Variants in GALNT13 observed in about 807,000 individuals in gnomAD.
The protein encoded by GALNT13 is UDP-GalNAc:polypeptide N-acetylgalactosaminyltransferase 13.
In GALNT13, 28 loss-of-function variants were observed where a neutral mutation model predicts 64.2. The observed-to-expected ratio is 0.44, with a 90% confidence interval of 0.32 to 0.60. The LOEUF is 0.60. Among genes scored for constraint, GALNT13 ranks in the 20% least tolerant of loss-of-function variants. The pLI is 0.05. For synonymous variants in GALNT13, 214 were observed against 224.6 expected, an observed-to-expected ratio of 0.95 and a Z score of 0.42; for missense variants, 577 against 669.8, an observed-to-expected ratio of 0.86 and a Z score of 1.53.
At chr2:154,025,964 A>G (rs983251474) in intron 3 of GALNT13, among the ~76,000 whole-genome samples, 1 of 152,122 alleles carries the variant, frequency 6.6e-6, no homozygotes, top group African/African-American at 2.4e-5. Flanking sequence ...GGGGAGGGAG[A>G]GAGAGAAGGG....
intron 4 of GALNT13, among the ~76,000 whole-genome samples, chr2:154,170,685 G>A (rs773782802): frequency 2.6e-5 from 4 of 152,024 alleles, no homozygotes; most frequent in Non-Finnish European, 5.9e-5. Context: ...ACTGTCATGG[G>A]AATTAAATAA....
intron 7 of GALNT13, among the ~76,000 whole-genome samples, chr2:154,252,741 AG>A (rs1690146396): frequency 7.1e-6 from 1 of 140,860 alleles, no homozygotes; most frequent in Non-Finnish European, 1.6e-5. Context: ...ATAGATAGAT[AG>A]ATAGATAGAT....
intron 5 of GALNT13, 29 bp downstream of exon 5, chr2:154,242,225 TG>T: frequency 6.3e-7 from 1 of 1,593,840 alleles, no homozygotes; most frequent in South Asian, 1.1e-5. Context: ...TTTTTGTTTT[TG>T]TTTTTTTGTT....
intron 4 of GALNT13, among the ~76,000 whole-genome samples, chr2:154,180,804 T>A (rs1685920787): frequency 6.6e-6 from 1 of 152,182 alleles, no homozygotes; most frequent in Admixed American, 6.6e-5. Context: ...TTGCTCTTTT[T>A]TAATGTCATT....
the GALNT13 span, among the ~76,000 whole-genome samples, chr2:153,610,764 A>T: frequency 1.3e-5 from 2 of 152,216 alleles, no homozygotes; most frequent in Admixed American, 6.6e-5. Flanking sequence ...AAAATATTTC[A>T]GACGTGTGGA....
chr2:153,130,355 A>C, the GALNT13 span, among the ~76,000 whole-genome samples: 3 of 152,112 alleles, frequency 2.0e-5, no homozygotes, highest in African/African-American at 7.2e-5. Context: ...GAGAGTCTCC[A>C]TCCTGGCTCC....
chr2:154,446,390 AT>A (rs1701577069), intron 12 of GALNT13: 4 of 457,310 alleles, frequency 8.7e-6, no homozygotes, highest in Non-Finnish European at 1.1e-5. Flanking sequence ...CTCCTTCCTT[AT>A]AGGGTTGATA....
At chr2:153,393,397 A>T in the GALNT13 span, among the ~76,000 whole-genome samples, 6 of 151,836 alleles carry the variant, frequency 4.0e-5, no homozygotes, top group Non-Finnish European at 8.8e-5. Context: ...TACCAAATCT[A>T]TGGTAACGTC....
At chr2:153,478,891 G>A in the GALNT13 span, 2 of 325,780 alleles carry the variant, frequency 6.1e-6, no homozygotes, top group Non-Finnish European at 5.7e-6. Context: ...CAGCGGCGGG[G>A]TGGCTGCGCT....
the GALNT13 span, among the ~76,000 whole-genome samples, chr2:153,125,014 A>T: frequency 6.6e-6 from 1 of 152,228 alleles, no homozygotes. Context: ...TGCCAGATTT[A>T]GCAAATAAAA....
chr2:154,062,409 A>G (rs1700235252), intron 3 of GALNT13, among the ~76,000 whole-genome samples: 1 of 151,598 alleles, frequency 6.6e-6, no homozygotes, highest in Admixed American at 6.6e-5. Flanking sequence ...TTATTTGACC[A>G]TTTGTATTAG....
the GALNT13 span, among the ~76,000 whole-genome samples, chr2:153,343,323 ATAT>A: frequency 6.6e-6 from 1 of 152,206 alleles, no homozygotes; most frequent in South Asian, 2.1e-4. Context: ...CTTAACTAAA[ATAT>A]TATTGAACAA....
chr2:153,263,431 A>G, the GALNT13 span, among the ~76,000 whole-genome samples: 1 of 152,198 alleles, frequency 6.6e-6, no homozygotes, highest in African/African-American at 2.4e-5. Flanking sequence ...TCTTCACAGA[A>G]TTAGAAAAAA....
At chr2:154,212,869 T>G (rs1385555379) in intron 4 of GALNT13, among the ~76,000 whole-genome samples, 1 of 152,120 alleles carries the variant, frequency 6.6e-6, no homozygotes, top group Non-Finnish European at 1.5e-5. Flanking sequence ...TTTTTTCACT[T>G]TGATACACAC....
intron 4 of GALNT13, among the ~76,000 whole-genome samples, chr2:154,162,405 C>T (rs1684784117): frequency 1.3e-5 from 2 of 152,192 alleles, no homozygotes; most frequent in South Asian, 4.1e-4. Context: ...TAAATTGCTT[C>T]AACTCTGTGC....
At chr2:154,353,296 T>C (rs1338610649) in intron 9 of GALNT13, among the ~76,000 whole-genome samples, 1 of 152,134 alleles carries the variant, frequency 6.6e-6, no homozygotes, top group Non-Finnish European at 1.5e-5. Context: ...AAAATTATAT[T>C]CACTTAAAAA....
chr2:153,622,538 A>C, the GALNT13 span, among the ~76,000 whole-genome samples: 5 of 152,208 alleles, frequency 3.3e-5, no homozygotes, highest in South Asian at 1.0e-3. Context: ...GGTCTCGCCA[A>C]AGGGCAAGGC....
chr2:154,161,025 A>G (rs1388238235), intron 4 of GALNT13, among the ~76,000 whole-genome samples: 1 of 152,116 alleles, frequency 6.6e-6, no homozygotes, highest in Admixed American at 6.6e-5. Context: ...TGCTTACCAC[A>G]TTTATCTGTT....
intron 3 of GALNT13, among the ~76,000 whole-genome samples, chr2:154,009,419 T>A (rs1482750135): frequency 5.9e-5 from 9 of 152,018 alleles, no homozygotes; most frequent in East Asian, 3.9e-4. Flanking sequence ...AAATACTTTT[T>A]AAAAAAAATT....
Sources: allele counts gnomAD v4.1 joint callset (sites outside exome capture counted in the v4.1 genomes callset), GRCh38; gene constraint gnomAD v4.1.1; transcripts MANE v1.5; gene names NCBI Gene and HGNC (gene_info 2026-07-23, HGNC 2026-07-21).